The following CTNNA3 variants were observed in gnomAD, a reference collection of about 807,000 sequenced individuals.
CTNNA3 encodes catenin alpha 3.
CTNNA3 carries 76 observed loss-of-function variants against 95.7 expected under a neutral mutation model. The observed-to-expected ratio is 0.79, with a 90% confidence interval of 0.66 to 0.96. The LOEUF is 0.96. Among genes scored for constraint, CTNNA3 ranks in the 40% least tolerant of loss-of-function variants. CTNNA3 has a pLI of 0.00. For synonymous variants in CTNNA3, 431 were observed against 374.4 expected, an observed-to-expected ratio of 1.15 and a Z score of -1.74; for missense variants, 1,191 against 1,089.8, an observed-to-expected ratio of 1.09 and a Z score of -1.31.
chr10:66,919,127 T>A (rs1311034404), intron 7 of CTNNA3, among the ~76,000 whole-genome samples: 2 of 115,844 alleles, frequency 1.7e-5, no homozygotes, highest in African/African-American at 6.6e-5. Flanking sequence ...AGAGCGAGAC[T>A]CTGTCTTAAA....
chr10:66,028,502 A>C (rs1316887870), intron 15 of CTNNA3, among the ~76,000 whole-genome samples: 2 of 151,840 alleles, frequency 1.3e-5, no homozygotes, highest in Non-Finnish European at 2.9e-5. Context: ...AGGACAAAAA[A>C]CCAAACACCG....
intron 12 of CTNNA3, among the ~76,000 whole-genome samples, chr10:66,318,309 T>C (rs1212124567): frequency 2.6e-5 from 4 of 151,076 alleles, no homozygotes; most frequent in East Asian, 1.9e-4. Flanking sequence ...TGTGTGTGTA[T>C]GTGTGCACGC....
At chr10:66,487,097 A>T (rs1343870952) in intron 11 of CTNNA3, among the ~76,000 whole-genome samples, 1 of 151,830 alleles carries the variant, frequency 6.6e-6, no homozygotes, top group East Asian at 1.9e-4. Context: ...TTATAAGACG[A>T]ATAAGTTCAG....
chr10:67,093,679 C>T (rs576425505), intron 7 of CTNNA3, among the ~76,000 whole-genome samples: 3 of 151,954 alleles, frequency 2.0e-5, no homozygotes, highest in East Asian at 3.9e-4. Flanking sequence ...TCCCCCCCAA[C>T]AAAAGATTGC....
chr10:66,103,865 G>A (rs936630830), intron 13 of CTNNA3, among the ~76,000 whole-genome samples: 9 of 152,100 alleles, frequency 5.9e-5, no homozygotes, highest in East Asian at 1.9e-4. Context: ...TCAAAATGGT[G>A]AGTTTTATGG....
At chr10:67,244,993 C>T (rs1865855905) in intron 5 of CTNNA3, among the ~76,000 whole-genome samples, 1 of 152,182 alleles carries the variant, frequency 6.6e-6, no homozygotes, top group Non-Finnish European at 1.5e-5. Flanking sequence ...AAAATCCCAT[C>T]AGTTTTACCT....
At chr10:67,583,545 G>C (rs770342974) in intron 3 of CTNNA3, among the ~76,000 whole-genome samples, 3 of 152,046 alleles carry the variant, frequency 2.0e-5, no homozygotes, top group Admixed American at 6.5e-5. Flanking sequence ...TCTTGTAGTT[G>C]CTCTTGTTGA....
At chr10:66,692,944 A>G (rs1037354884) in intron 9 of CTNNA3, among the ~76,000 whole-genome samples, 3 of 152,186 alleles carry the variant, frequency 2.0e-5, no homozygotes, top group Admixed American at 2.0e-4. Context: ...GCCTGCCCTA[A>G]AAGAGCTCCT....
Position 67,066,162 on chromosome 10 carries a change from A to G in CTNNA3, c.1047+114155T>C, listed in dbSNP as rs574572413. 3.6e-3 allele frequency among the ~76,000 whole-genome samples: 533 copies of G among 148,932 alleles called. 3 individuals are homozygous for G. The highest frequency in any genetic ancestry group is 0.012 in the African/African-American group (500 of 40,280). On this transcript the variant is annotated intron_variant, in intron 7 of 17. Coordinates refer to ENST00000433211, the MANE Select transcript of CTNNA3 (RefSeq NM_013266.4). ...TACCATCACCAGTGCTCGTTTCCCT[A>G]TAGCACACTGCTGTGCCCACTGAAG...
At chr10:66,515,763 C>T (rs115422812) in intron 11 of CTNNA3, among the ~76,000 whole-genome samples, 2,127 of 152,026 alleles carry the variant, frequency 0.014, 44 homozygotes, top group African/African-American at 0.049. Context: ...ATAAAACCAT[C>T]AGATCTCGTG....
chr10:66,233,074 G>A (rs939523570), intron 13 of CTNNA3, among the ~76,000 whole-genome samples: 27 of 146,610 alleles, frequency 1.8e-4, no homozygotes, highest in Non-Finnish European at 4.5e-5. Context: ...GCAGGAGAAT[G>A]GCGTGAACCC....
At chr10:66,777,430 G>A (rs1840347064) in intron 7 of CTNNA3, among the ~76,000 whole-genome samples, 1 of 152,118 alleles carries the variant, frequency 6.6e-6, no homozygotes. Flanking sequence ...GAGAGATTTG[G>A]TTAGGTTATT....
chr10:67,368,627 G>A (rs1399656169), intron 5 of CTNNA3, among the ~76,000 whole-genome samples: 1 of 152,144 alleles, frequency 6.6e-6, no homozygotes, highest in East Asian at 1.9e-4. Context: ...TCTATCAGCA[G>A]CTAAATAAAT....
At chr10:66,696,965 T>C (rs889968221) in intron 9 of CTNNA3, among the ~76,000 whole-genome samples, 2 of 151,906 alleles carry the variant, frequency 1.3e-5, no homozygotes, top group Non-Finnish European at 2.9e-5. Flanking sequence ...AAATGTTCTC[T>C]ATGGGCCAGA....
intron 7 of CTNNA3, among the ~76,000 whole-genome samples, chr10:66,901,704 C>CA (rs541814394): frequency 1.1e-4 from 16 of 150,684 alleles, no homozygotes; most frequent in African/African-American, 2.2e-4. Context: ...AATGGAAAGC[C>CA]AAAAAAAAGC....
chr10:67,742,709 AGGAGCT>A (rs1353859419), intron 1 of CTNNA3, among the ~76,000 whole-genome samples: 3 of 151,242 alleles, frequency 2.0e-5, no homozygotes, highest in Non-Finnish European at 4.4e-5. Flanking sequence ...TAATGAATCC[AGGAGCT>A]GGTTTTTTGA....
At chr10:66,433,783 C>T (rs1589243854) in intron 11 of CTNNA3, among the ~76,000 whole-genome samples, 1 of 152,058 alleles carries the variant, frequency 6.6e-6, no homozygotes, top group Non-Finnish European at 1.5e-5. Context: ...TAGGTCTTAC[C>T]TTTAAGTCTT....
chr10:66,960,123 C>T (rs1394293314), intron 7 of CTNNA3, among the ~76,000 whole-genome samples: 3 of 152,094 alleles, frequency 2.0e-5, no homozygotes, highest in Non-Finnish European at 4.4e-5. Flanking sequence ...TTTCTCTCCT[C>T]TTTCCTCAAG....
chr10:67,419,038 T>C (rs12249874), intron 5 of CTNNA3, among the ~76,000 whole-genome samples: 1 of 152,014 alleles, frequency 6.6e-6, no homozygotes, highest in Admixed American at 6.5e-5. Context: ...ATTTATATTT[T>C]TCAGGATTCT....
Sources: gnomAD v4.1 joint callset for allele counts (sites outside exome capture counted in the v4.1 genomes callset) on GRCh38, gnomAD v4.1.1 for gene constraint, MANE v1.5 for transcripts, NCBI Gene and HGNC (gene_info 2026-07-23, HGNC 2026-07-21) for gene names.